The following LRRC28 variants were observed in gnomAD, a reference collection of about 807,000 sequenced individuals.
LRRC28 encodes leucine rich repeat containing 28.
Under a neutral mutation model 45.7 loss-of-function variants are expected in LRRC28, and 39 were observed. The ratio of observed to expected loss-of-function variants is 0.85; its 90% CI spans 0.66 to 1.12. The LOEUF is 1.12. Among genes scored for constraint, LRRC28 ranks in the 50% most tolerant of loss-of-function variants. The pLI is 0.00. For synonymous variants in LRRC28, 206 were observed against 178.8 expected, an observed-to-expected ratio of 1.15 and a Z score of -1.22; for missense variants, 435 against 438.5, an observed-to-expected ratio of 0.99 and a Z score of 0.07.
chr15:99,352,671 T>C, intron 7 of LRRC28, 200 bp downstream of exon 7: 1 of 543,540 alleles, frequency 1.8e-6, no homozygotes, highest in Non-Finnish European at 3.2e-6. Context: ...AATGAATCCA[T>C]GTATACCTTT....
chr15:99,265,133 G>T (rs2081298780), intron 2 of LRRC28, among the ~76,000 whole-genome samples: 1 of 152,192 alleles, frequency 6.6e-6, no homozygotes, highest in Non-Finnish European at 1.5e-5. Context: ...TTAGCAAGCA[G>T]TTGGTGACTA....
At chr15:99,372,015 A>G (rs906358727) in intron 9 of LRRC28, among the ~76,000 whole-genome samples, 2 of 152,228 alleles carry the variant, frequency 1.3e-5, no homozygotes, top group African/African-American at 4.8e-5. Context: ...CATAAATGCA[A>G]CAAGCAGATA....
At chr15:99,288,801 T>C (rs1004641247) in intron 5 of LRRC28, among the ~76,000 whole-genome samples, 21 of 152,152 alleles carry the variant, frequency 1.4e-4, no homozygotes, top group Admixed American at 9.8e-4. Context: ...TGCCTCAGCC[T>C]TCCAAGTAGC....
At position 99,333,623 on chromosome 15, in the gene LRRC28, C is replaced by A. The variant is rs143984201; in HGVS notation, c.386-300C>A. ...CACCCTGGCAACAAACTTGACTCAT[C>A]AAGATGCAGAAGCCATAGTGACAGA... On this transcript the variant is annotated intron_variant, in intron 5 of 9. Transcript: ENST00000301981. The A allele has an allele frequency of 5.2e-4, 195 of 377,402 alleles. 6 individuals carry two copies. The East Asian group carries it at 9.4e-3, about 18-fold the overall frequency. 23.4% of individuals were successfully genotyped at this position (377,402 alleles called of 1,614,324 possible). A position where few individuals can be genotyped will look rare whatever the true frequency, so the allele number is the denominator to read the frequency against.
rs1261486726 is a variant in LRRC28, at chr15:99,388,568, T to C, written c.*2466T>C. On this transcript the variant is annotated 3_prime_UTR_variant, in exon 10 of 10. Coordinates refer to ENST00000301981, the MANE Select transcript of LRRC28 (RefSeq NM_144598.5). ...TTCATTATGGAAATTTTATGCTGGA[T>C]TTATCGATGTCATTCTTAATCTTTT... 6.6e-6 allele frequency: 1 copy of C among 152,210 alleles called. No homozygotes were observed. Among genetic ancestry groups the C allele is most frequent in the Admixed American group, 6.5e-5 (1 of 15,278 alleles). The allele number at this position is 152,210 out of a possible 1,614,324, so 9.4% of individuals were successfully genotyped here.
intron 2 of LRRC28, among the ~76,000 whole-genome samples, chr15:99,269,432 A>G (rs1487114792): frequency 6.7e-6 from 1 of 150,310 alleles, no homozygotes; most frequent in Non-Finnish European, 1.5e-5. Flanking sequence ...TTTTTTGGAG[A>G]CAGAGTTTTC....
intron 5 of LRRC28, among the ~76,000 whole-genome samples, chr15:99,329,398 C>G (rs1484340287): frequency 6.6e-6 from 1 of 152,174 alleles, no homozygotes; most frequent in Non-Finnish European, 1.5e-5. Flanking sequence ...ATCTCCCCTG[C>G]CAAATTTTTC....
At position 99,352,534 on chromosome 15, in the gene LRRC28, A is replaced by G. The variant is rs886926550; in HGVS notation, c.695+63A>G. On this transcript the variant is annotated intron_variant, in intron 7 of 9. Transcript: ENST00000301981. ...TAACTACTTTTGGTACTTCTGTTCA[A>G]TTTTGTCTTTGCCCTTGATGATATG... The G allele has an allele frequency of 3.1e-4, 426 of 1,364,826 alleles. 2 individuals carry two copies. The highest frequency in any genetic ancestry group is 2.6e-4 in the Non-Finnish European group (252 of 963,810). The allele number at this position is 1,364,826 out of a possible 1,614,324, so 84.5% of individuals were successfully genotyped here. A position where few individuals can be genotyped will look rare whatever the true frequency, so the allele number is the denominator to read the frequency against.
intron 2 of LRRC28, among the ~76,000 whole-genome samples, chr15:99,268,941 A>G (rs1271771449): frequency 1.3e-5 from 2 of 152,244 alleles, no homozygotes; most frequent in Non-Finnish European, 2.9e-5. Context: ...TTTAACAAAT[A>G]TTAAGATAAA....
At chr15:99,259,321 A>G (rs2081121704) in intron 2 of LRRC28, 1 of 1,317,394 alleles carries the variant, frequency 7.6e-7, no homozygotes, top group Non-Finnish European at 1.1e-6. Context: ...TTTACCTCAC[A>G]GAACCTGTGG....
At position 99,276,574 on chromosome 15, in the gene LRRC28, A is replaced by G; in HGVS notation, c.169-2A>G. The G allele has an allele frequency of 6.5e-7, 1 of 1,539,918 alleles. No individual in the cohort carries two copies. The highest frequency in any genetic ancestry group is 1.3e-5 in the South Asian group (1 of 75,210). ...ATTTAATTCTGAGTTTTTAATTTTC[A>G]GCCAGAAAACCTTGCTCAGAAGCTT... On this transcript the variant is annotated splice_acceptor_variant, in intron 2 of 9. Transcript: ENST00000301981. LOFTEE classifies it high-confidence loss of function.
At chr15:99,279,275 A>G (rs2081711632) in intron 3 of LRRC28, among the ~76,000 whole-genome samples, 1 of 152,228 alleles carries the variant, frequency 6.6e-6, no homozygotes, top group Non-Finnish European at 1.5e-5. Flanking sequence ...GAATAGATAC[A>G]TGACTTTTTG....
At position 99,352,467 on chromosome 15, in the gene LRRC28, A is replaced by G; in HGVS notation, c.691A>G (p.Ser231Gly). Residue 231 changes from serine to glycine, a missense_variant, in exon 7 of 10, where the codon AGT becomes GGT. By Grantham distance (56) the Ser-to-Gly change is moderately conservative (BLOSUM62 0). Coordinates refer to ENST00000301981, the MANE Select transcript of LRRC28 (RefSeq NM_144598.5). The stretch of plus-strand genomic sequence containing the variant: ...TCTGTACAATAAAGTCATCGGGTGC[A>G]GTGGGTAAGGCCGATTTCACATTTT... ...SYLYNKVIGC[S>G]GCGAPIQVSE... 1 of 1,611,342 alleles carries G rather than the reference A, an allele frequency of 6.2e-7. No homozygotes were observed. The highest frequency in any genetic ancestry group is 8.5e-7 in the Non-Finnish European group (1 of 1,178,528).
At chr15:99,289,758 C>A (rs994425527) in intron 5 of LRRC28, among the ~76,000 whole-genome samples, 3 of 147,764 alleles carry the variant, frequency 2.0e-5, no homozygotes. Flanking sequence ...AAGGTGAAAC[C>A]CCGTCTCTAC....
rs1043257219 is a variant in LRRC28, at chr15:99,371,827, G to A, written c.1031+8562G>A. ...ATTATTTGTTGACCATCTGTCATGG[G>A]CTGTGCTCTGCAGTAGGTACTGAAA... is the stretch of plus-strand genomic sequence containing the variant. On this transcript the variant is annotated intron_variant, in intron 9 of 9. Coordinates refer to ENST00000301981, the MANE Select transcript of LRRC28 (RefSeq NM_144598.5). Among the ~76,000 whole-genome samples the A allele has an allele frequency of 5.3e-5, 8 of 152,270 alleles. No individual in the cohort carries two copies. In the East Asian group the frequency reaches 1.2e-3, roughly 22 times the overall value.
intron 5 of LRRC28, among the ~76,000 whole-genome samples, chr15:99,303,711 G>C (rs989585782): frequency 6.6e-6 from 1 of 152,106 alleles, no homozygotes; most frequent in African/African-American, 2.4e-5. Context: ...GTGCATGCCT[G>C]TAATCCCAGC....
intron 6 of LRRC28, among the ~76,000 whole-genome samples, chr15:99,343,916 C>G (rs1001842164): frequency 2.0e-5 from 3 of 152,028 alleles, no homozygotes; most frequent in African/African-American, 7.3e-5. Context: ...GGGGTTTTTG[C>G]CAGCCGACTG....
chr15:99,307,863 A>T (rs1304731570), intron 5 of LRRC28, among the ~76,000 whole-genome samples: 2 of 152,232 alleles, frequency 1.3e-5, no homozygotes, highest in African/African-American at 4.8e-5. Context: ...GTCACTGTGG[A>T]TTCCATTCTG....
chr15:99,359,458 A>G (rs939635450), intron 7 of LRRC28, among the ~76,000 whole-genome samples: 1 of 152,248 alleles, frequency 6.6e-6, no homozygotes, highest in Non-Finnish European at 1.5e-5. Context: ...CAAACTCATT[A>G]GTAACCAAGG....
Sources: gnomAD v4.1 joint callset for allele counts (sites outside exome capture counted in the v4.1 genomes callset) on GRCh38, gnomAD v4.1.1 for gene constraint, MANE v1.5 for transcripts, NCBI Gene and HGNC (gene_info 2026-07-23, HGNC 2026-07-21) for gene names.